PUM1: variants seen among roughly 807,000 people sequenced by gnomAD.
PUM1 encodes the protein pumilio homolog 1.
In PUM1, 13 loss-of-function variants were observed where a neutral mutation model predicts 131.8. The observed-to-expected ratio is 0.10, with a 90% CI of 0.06 to 0.16. The LOEUF (loss-of-function observed/expected upper bound fraction) is 0.16, where lower values mean the gene tolerates loss of function less well. PUM1 is among the 10% of genes least tolerant of loss of function. The pLI, the probability that PUM1 is intolerant of heterozygous loss-of-function variation, is 1.00. For missense variants in PUM1, 961 were observed against 1,512.4 expected, an observed-to-expected ratio of 0.64 and a Z score of 6.05; for synonymous variants, 509 against 556.5, an observed-to-expected ratio of 0.91 and a Z score of 1.20.
chr1:30,948,494 T>TCA (rs1258334523), intron 17 of PUM1, among the ~76,000 whole-genome samples: 1 of 152,052 alleles, frequency 6.6e-6, no homozygotes, highest in Non-Finnish European at 1.5e-5. Context: ...GTATGGTATC[T>TCA]CACACCTGTA....
chr1:31,020,923 C>T (rs1391951586), intron 3 of PUM1, among the ~76,000 whole-genome samples: 2 of 152,030 alleles, frequency 1.3e-5, no homozygotes, highest in African/African-American at 4.8e-5. Context: ...GTTACAGTAA[C>T]CAAGAAGGAA....
intron 16 of PUM1, 125 bp downstream of exon 16, chr1:30,952,109 C>G: frequency 1.1e-6 from 1 of 897,156 alleles, no homozygotes; most frequent in Middle Eastern, 3.2e-4. Flanking sequence ...AAAACCTCTT[C>G]AAAAAGACCA....
intron 2 of PUM1, among the ~76,000 whole-genome samples, chr1:31,048,173 A>G (rs908565241): frequency 1.3e-5 from 2 of 152,000 alleles, no homozygotes; most frequent in African/African-American, 4.8e-5. Flanking sequence ...CAGGAGGCAG[A>G]GCTTGCAGTG....
chr1:31,047,816 C>T (rs965017232), intron 2 of PUM1, among the ~76,000 whole-genome samples: 19 of 152,182 alleles, frequency 1.2e-4, no homozygotes, highest in East Asian at 9.6e-4. Context: ...TTGGCACATG[C>T]CTGTAATCCC....
chr1:31,052,458 T>C (rs1310380811), intron 2 of PUM1, among the ~76,000 whole-genome samples: 2 of 151,764 alleles, frequency 1.3e-5, no homozygotes, highest in African/African-American at 2.4e-5. Flanking sequence ...CAGGCTGGAG[T>C]GCCTGAACTC....
chr1:31,010,265 A>G (rs942087721), intron 3 of PUM1, among the ~76,000 whole-genome samples: 6 of 152,214 alleles, frequency 3.9e-5, no homozygotes, highest in African/African-American at 9.7e-5. Context: ...TGCTGTGGTT[A>G]GCAGCATCTG....
At chr1:31,059,640 G>C in intron 1 of PUM1, 63 bp from the exon 2 acceptor site, 4 of 1,500,448 alleles carry the variant, frequency 2.7e-6, no homozygotes, top group Non-Finnish European at 3.6e-6. Flanking sequence ...AACACACTAA[G>C]ATAAAAACAT....
At chr1:30,953,454 C>G (rs1441467972) in intron 15 of PUM1, among the ~76,000 whole-genome samples, 2 of 152,078 alleles carry the variant, frequency 1.3e-5, no homozygotes, top group African/African-American at 4.8e-5. Context: ...TCCTCAGCAC[C>G]CTAGATCAAA....
intron 20 of PUM1, among the ~76,000 whole-genome samples, 170 bp downstream of exon 20, chr1:30,940,981 C>A (rs1020949682): frequency 3.3e-5 from 5 of 152,160 alleles, no homozygotes; most frequent in African/African-American, 1.2e-4. Flanking sequence ...AAGAAGCCCA[C>A]TAAGGGACCT....
intron 1 of PUM1, among the ~76,000 whole-genome samples, chr1:31,062,972 G>A (rs568809729): frequency 2.0e-5 from 3 of 152,258 alleles, no homozygotes; most frequent in South Asian, 2.1e-4. Context: ...ACCTTAGCAG[G>A]GTACTGGAGT....
chr1:31,018,753 A>C (rs1642915057), intron 3 of PUM1, among the ~76,000 whole-genome samples: 1 of 152,218 alleles, frequency 6.6e-6, no homozygotes. Context: ...CTAAGTATAC[A>C]TAAGCCAGTC....
intron 5 of PUM1, among the ~76,000 whole-genome samples, chr1:31,000,329 C>T (rs1642163038): frequency 6.6e-6 from 1 of 152,164 alleles, no homozygotes; most frequent in African/African-American, 2.4e-5. Context: ...AGCTATAGTG[C>T]TCAAATACAA....
intron 5 of PUM1, among the ~76,000 whole-genome samples, chr1:30,998,251 T>C (rs995716228): frequency 2.0e-5 from 3 of 152,154 alleles, no homozygotes; most frequent in African/African-American, 7.2e-5. Context: ...AAATCAACAA[T>C]GGCCCTCCAT....
At chr1:30,955,578 T>A (rs1401971732) in intron 14 of PUM1, among the ~76,000 whole-genome samples, 1 of 152,168 alleles carries the variant, frequency 6.6e-6, no homozygotes, top group African/African-American at 2.4e-5. Flanking sequence ...CTGGGGTTGT[T>A]TCCCCCACCT....
In PUM1 at chr1:30,992,551, G is replaced by A; in HGVS notation, c.997C>T (p.Pro333Ser). Residue 333 changes from proline to serine, a missense_variant, in exon 7 of 22, where the codon CCT (proline) becomes TCT (serine). Pro to Ser is a moderately conservative substitution (Grantham distance 74, BLOSUM62 -1). Transcript: ENST00000426105. ...TCCATGTTGGAGAAATCCTCCACAG[G>A]CTTGGCACCATTGGTGCTGGTCAGC... ...AQLTSTNGAK[P>S]VEDFSNMESQ... is the part of the protein sequence containing the mutation. 1 of 1,614,204 alleles carries A rather than the reference G, an allele frequency of 6.2e-7. No homozygotes were observed. Among genetic ancestry groups the A allele is most frequent in the Non-Finnish European group, 8.5e-7 (1 of 1,180,034 alleles).
chr1:31,053,120 C>T (rs1469322864), intron 2 of PUM1, among the ~76,000 whole-genome samples: 1 of 151,220 alleles, frequency 6.6e-6, no homozygotes, highest in Non-Finnish European at 1.5e-5. Context: ...AAGCGATTTT[C>T]CTGCCTCTCC....
chr1:30,949,885 T>C (rs1639856871), intron 17 of PUM1, among the ~76,000 whole-genome samples: 1 of 152,204 alleles, frequency 6.6e-6, no homozygotes, highest in Non-Finnish European at 1.5e-5. Context: ...ATTGAACCTA[T>C]TAAAGGCTAA....
At chr1:30,965,035 C>A in intron 13 of PUM1, 125 bp from the exon 14 acceptor site, 1 of 717,454 alleles carries the variant, frequency 1.4e-6, no homozygotes, top group Non-Finnish European at 2.4e-6. Flanking sequence ...CAGAGACAGC[C>A]TAACTGTTAA....
At chr1:31,035,699 C>T (rs920999747) in intron 2 of PUM1, among the ~76,000 whole-genome samples, 3 of 151,736 alleles carry the variant, frequency 2.0e-5, no homozygotes, top group Admixed American at 2.0e-4. Flanking sequence ...TGCAGTGAAC[C>T]GAGATAGCGC....
Sources: allele counts gnomAD v4.1 joint callset (sites outside exome capture counted in the v4.1 genomes callset), GRCh38; gene constraint gnomAD v4.1.1; transcripts MANE v1.5; gene names NCBI Gene and HGNC (gene_info 2026-07-23, HGNC 2026-07-21).